SGCD: variants seen among roughly 807,000 people sequenced by gnomAD.
The protein encoded by SGCD is delta-sarcoglycan.
Under a neutral mutation model 36.6 loss-of-function variants are expected in SGCD, and 18 were observed. The ratio of observed to expected loss-of-function variants is 0.49; its 90% CI spans 0.34 to 0.73. The LOEUF is 0.73. Ranked by LOEUF, SGCD falls within the 30% of genes least tolerant of loss-of-function variation. The pLI is 0.01. For missense variants in SGCD, 387 were observed against 346.7 expected (o/e 1.12, Z -0.92); for synonymous variants, 133 against 130.6 (o/e 1.02, Z -0.12).
chr5:155,809,879 C>T, the SGCD span, among the ~76,000 whole-genome samples: 760 of 152,282 alleles, frequency 5.0e-3, 4 homozygotes, highest in Admixed American at 8.2e-3. Flanking sequence ...TAATCATCAT[C>T]TGATGAAAGA....
rs201176364 is a variant in SGCD, at chr5:156,031,977, TATAG to T, written c.-281-85893_-281-85890del. Among the ~76,000 whole-genome samples the T allele has an allele frequency of 2.5e-3, 377 of 152,312 alleles. 2 individuals are homozygous for T. Among genetic ancestry groups the T allele is most frequent in the African/African-American group, 8.5e-3 (354 of 41,556 alleles). On this transcript the variant is annotated intron_variant, in intron 1 of 9. Coordinates refer to the SGCD transcript ENST00000517913. ...ATAGCCATAGAGGAAAATTAGATGA[TATAG>T]ATAGATAATCATAAAAATAAACTTA...
chr5:156,460,047 G>T (rs1297880227), intron 3 of SGCD, among the ~76,000 whole-genome samples: 1 of 152,078 alleles, frequency 6.6e-6, no homozygotes, highest in Non-Finnish European at 1.5e-5. Flanking sequence ...CTTCTGTTTG[G>T]CTGAGGTCTT....
At chr5:156,530,964 G>T (rs374305591) in intron 4 of SGCD, among the ~76,000 whole-genome samples, 1 of 152,122 alleles carries the variant, frequency 6.6e-6, no homozygotes, top group African/African-American at 2.4e-5. Context: ...AGCAAAACTC[G>T]GGTTAGGGAG....
chr5:156,597,916 C>A (rs1760998183), intron 6 of SGCD, among the ~76,000 whole-genome samples: 1 of 152,046 alleles, frequency 6.6e-6, no homozygotes, highest in Non-Finnish European at 1.5e-5. Flanking sequence ...AAAGGTGAAC[C>A]AAAGCATGGC....
At chr5:156,409,977 T>C (rs1251136296) in intron 3 of SGCD, among the ~76,000 whole-genome samples, 2 of 152,170 alleles carry the variant, frequency 1.3e-5, no homozygotes, top group Admixed American at 1.3e-4. Context: ...GGAAGATGTA[T>C]GAAGTAATAT....
the SGCD span, among the ~76,000 whole-genome samples, chr5:155,737,544 G>A: frequency 1.3e-5 from 2 of 152,196 alleles, no homozygotes; most frequent in African/African-American, 4.8e-5. Flanking sequence ...CTCATGGGTT[G>A]GAAAGCACAT....
chr5:156,097,675 TC>T (rs1264362718), intron 1 of SGCD, among the ~76,000 whole-genome samples: 8 of 152,224 alleles, frequency 5.3e-5, no homozygotes, highest in Admixed American at 4.6e-4. Flanking sequence ...TACTTTCATA[TC>T]TTGTCAGATG....
At chr5:155,817,745 C>T in the SGCD span, among the ~76,000 whole-genome samples, 1 of 152,066 alleles carries the variant, frequency 6.6e-6, no homozygotes, top group Non-Finnish European at 1.5e-5. Context: ...TATCTTAATA[C>T]ATAAAAAAAT....
intron 3 of SGCD, among the ~76,000 whole-genome samples, chr5:156,177,732 T>A (rs957849236): frequency 6.6e-6 from 1 of 152,198 alleles, no homozygotes; most frequent in Non-Finnish European, 1.5e-5. Flanking sequence ...GTCCATTCCC[T>A]CCTTTCTAAA....
chr5:156,389,010 T>C (rs10476372), intron 3 of SGCD, among the ~76,000 whole-genome samples: 6,382 of 152,258 alleles, frequency 0.042, 466 homozygotes, highest in African/African-American at 0.15. Context: ...ACAATACAAT[T>C]CTTATCTAGA....
chr5:156,682,112 C>T (rs962370876), intron 7 of SGCD, among the ~76,000 whole-genome samples: 1 of 152,180 alleles, frequency 6.6e-6, no homozygotes, highest in African/African-American at 2.4e-5. Context: ...CAGGAACTGA[C>T]TTGGTAAGGA....
At chr5:155,901,326 A>C (rs1257833898) in intron 1 of SGCD, among the ~76,000 whole-genome samples, 1 of 151,902 alleles carries the variant, frequency 6.6e-6, no homozygotes, top group South Asian at 2.1e-4. Context: ...GAAAAAAAAA[A>C]AAAAGTAACA....
chr5:155,793,417 A>C, the SGCD span, among the ~76,000 whole-genome samples: 1 of 152,188 alleles, frequency 6.6e-6, no homozygotes. Flanking sequence ...ACAATCCAAA[A>C]TAAAAAAAAG....
At chr5:156,101,761 G>C (rs1423590075) in intron 1 of SGCD, among the ~76,000 whole-genome samples, 2 of 152,098 alleles carry the variant, frequency 1.3e-5, no homozygotes, top group Non-Finnish European at 2.9e-5. Flanking sequence ...TATTTTCAGA[G>C]ACTTTTTCAG....
At chr5:155,843,299 C>A in the SGCD span, among the ~76,000 whole-genome samples, 1 of 152,008 alleles carries the variant, frequency 6.6e-6, no homozygotes, top group Non-Finnish European at 1.5e-5. Context: ...ATCAGGTGGC[C>A]TATTTCCTTG....
intron 3 of SGCD, among the ~76,000 whole-genome samples, chr5:156,439,636 G>T (rs1490883798): frequency 6.6e-6 from 1 of 150,836 alleles, no homozygotes; most frequent in African/African-American, 2.5e-5. Context: ...TACATGAGAA[G>T]AGTAAGAAAT....
intron 1 of SGCD, among the ~76,000 whole-genome samples, chr5:155,955,204 A>G (rs779509616): frequency 3.3e-5 from 5 of 152,132 alleles, no homozygotes; most frequent in Non-Finnish European, 5.9e-5. Flanking sequence ...AGAATGTTTG[A>G]TCAAATGTCT....
At chr5:156,084,992 A>C (rs1475959036) in intron 1 of SGCD, among the ~76,000 whole-genome samples, 1 of 152,196 alleles carries the variant, frequency 6.6e-6, no homozygotes, top group Non-Finnish European at 1.5e-5. Context: ...GATTACACAG[A>C]TTAATTTTTG....
At chr5:156,028,155 A>G (rs1759265137) in intron 1 of SGCD, among the ~76,000 whole-genome samples, 1 of 152,308 alleles carries the variant, frequency 6.6e-6, no homozygotes, top group South Asian at 2.1e-4. Flanking sequence ...TTTTACTTCA[A>G]CATCTTCTGA....
Sources: allele counts gnomAD v4.1 joint callset (sites outside exome capture counted in the v4.1 genomes callset), GRCh38; gene constraint gnomAD v4.1.1; transcripts MANE v1.5; gene names NCBI Gene and HGNC (gene_info 2026-07-23, HGNC 2026-07-21).